NDUFA10: variants seen among roughly 807,000 people sequenced by gnomAD.
NDUFA10 encodes the protein NADH:ubiquinone oxidoreductase subunit A10, also known as NADH dehydrogenase [ubiquinone] 1 alpha subcomplex subunit 10, mitochondrial.
In NDUFA10, 40 loss-of-function variants were observed where a neutral mutation model predicts 47.8. That is an observed-to-expected ratio of 0.84 (90% CI 0.65 to 1.09). The LOEUF (loss-of-function observed/expected upper bound fraction) is 1.09. NDUFA10 is among the 50% of genes least tolerant of loss of function. The pLI is 0.00. For synonymous variants in NDUFA10, 183 were observed against 172.2 expected (o/e 1.06, Z -0.49); for missense variants, 413 against 451.1 (o/e 0.92, Z 0.76).
intron 4 of NDUFA10, among the ~76,000 whole-genome samples, chr2:239,932,627 T>G (rs1415232014): frequency 1.3e-5 from 2 of 152,104 alleles, no homozygotes. Context: ...TCGCCCAGGC[T>G]GGAGTGCAGT....
rs1477756868 is a variant in NDUFA10, at chr2:239,906,172, A to G, written c.295-10858T>C. 6.6e-6 allele frequency among the ~76,000 whole-genome samples: 1 copy of G among 152,124 alleles called. No homozygotes were observed. The highest frequency in any genetic ancestry group is 6.5e-5 in the Admixed American group (1 of 15,272). On this transcript the variant is annotated intron_variant, in intron 4 of 5. Transcript: ENST00000419408. The surrounding 1 kb of genome is among the most constrained non-coding windows in gnomAD (Gnocchi z 4.3). ...TCTGTGCCTAGATATTTCACACTCCAGCACACCTTTTAACAAGAACCCCCG... is the reference window on the plus strand; with the variant it reads ...TCTGTGCCTAGATATTTCACACTCCGGCACACCTTTTAACAAGAACCCCCG...
rs1382983530 is a variant in NDUFA10 at position 239,957,949 on chromosome 2, CGA to C, written c.*3167_*3168del. 1.3e-5 allele frequency: 2 copies of C among 152,212 alleles called. No homozygotes were observed. The highest frequency in any genetic ancestry group is 1.9e-4 in the East Asian group (1 of 5,204). 9.4% of individuals were successfully genotyped at this position (152,212 alleles called of 1,614,324 possible). On this transcript the variant is annotated 3_prime_UTR_variant, in exon 10 of 10. Coordinates refer to ENST00000252711, the MANE Select transcript of NDUFA10 (RefSeq NM_004544.4). ...TATAAGGTCCTTTGCTTTGACAATT[CGA>C]GAGAGTATTAGAAAACACTAGCGGC...
intron 1 of NDUFA10, among the ~76,000 whole-genome samples, chr2:240,022,871 GC>G (rs1156407962): frequency 6.6e-6 from 1 of 152,094 alleles, no homozygotes; most frequent in African/African-American, 2.4e-5. Flanking sequence ...CCATATCCTA[GC>G]CCCCAAGTCT....
intron 7 of NDUFA10, among the ~76,000 whole-genome samples, chr2:240,005,517 T>C (rs1696916768): frequency 6.6e-6 from 1 of 151,998 alleles, no homozygotes; most frequent in African/African-American, 2.4e-5. Context: ...CCACCACACC[T>C]GGCTGATGTT....
intron 4 of NDUFA10, among the ~76,000 whole-genome samples, chr2:239,927,972 G>A (rs182874254): frequency 7.7e-4 from 117 of 152,316 alleles, no homozygotes; most frequent in Non-Finnish European, 1.2e-3. Flanking sequence ...TGCATGCTGC[G>A]TTTGCAATTT....
intron 8 of NDUFA10, among the ~76,000 whole-genome samples, chr2:239,995,739 G>C (rs992133681): frequency 6.6e-6 from 1 of 152,112 alleles, no homozygotes; most frequent in African/African-American, 2.4e-5. Flanking sequence ...AGATAGAAGA[G>C]GAAAAAAGAC....
Position 239,980,857 on chromosome 2 carries a change from G to A in NDUFA10, c.999+9217C>T, listed in dbSNP as rs148512709. The stretch of plus-strand genomic sequence containing the variant: ...GTGTCCCTGTGAGGTGACTCCTGAA[G>A]GGCCACACCTCAGTGCGGGGAGAAG... On this transcript the variant is annotated intron_variant, in intron 9 of 9. Transcript: ENST00000252711. Among the ~76,000 whole-genome samples, 513 of 152,300 alleles carry A rather than the reference G, an allele frequency of 3.4e-3. 9 individuals are homozygous for A. Among genetic ancestry groups the A allele is most frequent in the African/African-American group, 0.012 (481 of 41,568 alleles).
intron 5 of NDUFA10, chr2:240,012,934 G>C (rs117299511): frequency 2.6e-5 from 4 of 152,206 alleles, no homozygotes; most frequent in Non-Finnish European, 4.4e-5. Context: ...CTGTATTAGA[G>C]GAGTGAGTGA....
chr2:239,959,791 AC>A lies in NDUFA10; in HGVS notation c.*1326del, dbSNP rs1694773779. On this transcript the variant is annotated 3_prime_UTR_variant, in exon 10 of 10. Transcript: ENST00000252711. ...AGGAAGGGAAGGGAGGAAAACAAGG[AC>A]AGATGGAAGGAAGAAAGGAAGGGAG... The A allele has an allele frequency of 1.2e-6, 1 of 801,714 alleles. No individual in the cohort carries two copies. Among genetic ancestry groups the A allele is most frequent in the Non-Finnish European group, 1.5e-6 (1 of 662,752 alleles). The allele number at this position is 801,714 out of a possible 1,614,324, so 49.7% of individuals were successfully genotyped here.
rs368802013 is a variant in NDUFA10, at chr2:239,983,602, G to A, written c.999+6472C>T. ...CTTCCAGTGGAGACCCAGCAAGCAC[G>A]ACCTCAGCCAGGAGCCCACGGTCAG... On this transcript the variant is annotated intron_variant, in intron 9 of 9. Transcript: ENST00000252711. The A allele has an allele frequency of 8.1e-5, 129 of 1,592,208 alleles. No homozygotes were observed. The African/African-American group carries it at 1.1e-3, about 14-fold the overall frequency.
At chr2:239,964,561 T>G (rs1440784030) in intron 9 of NDUFA10, among the ~76,000 whole-genome samples, 2 of 152,078 alleles carry the variant, frequency 1.3e-5, no homozygotes, top group African/African-American at 4.8e-5. Context: ...CCGGGTCACA[T>G]CTGTACACCA....
At chr2:239,898,341 G>A (rs553313643) in intron 4 of NDUFA10, among the ~76,000 whole-genome samples, 42 of 152,340 alleles carry the variant, frequency 2.8e-4, no homozygotes, top group Non-Finnish European at 4.1e-4. Context: ...CTCAGCCTGC[G>A]CCCGGGGCTG....
At chr2:239,895,132 C>T (rs1185895498) in intron 5 of NDUFA10, 1 of 325,426 alleles carries the variant, frequency 3.1e-6, no homozygotes, top group Non-Finnish European at 6.7e-6. Context: ...CCCCACCATC[C>T]ATCACTGACC....
At chr2:239,940,360 T>C in intron 4 of NDUFA10, among the ~76,000 whole-genome samples, 1 of 152,216 alleles carries the variant, frequency 6.6e-6, no homozygotes, top group East Asian at 1.9e-4. Flanking sequence ...CCATAGCTTA[T>C]CATTGCTTTG....
At chr2:239,935,747 T>TA (rs1694254161) in intron 4 of NDUFA10, among the ~76,000 whole-genome samples, 1 of 152,240 alleles carries the variant, frequency 6.6e-6, no homozygotes, top group South Asian at 2.1e-4. Context: ...GATGGTTTTA[T>TA]AGGGGAAACT....
At chr2:239,909,996 C>A (rs1296956847) in intron 4 of NDUFA10, among the ~76,000 whole-genome samples, 1 of 148,126 alleles carries the variant, frequency 6.8e-6, no homozygotes, top group Non-Finnish European at 1.5e-5. Context: ...TAGAGAAATG[C>A]AAATCAAAAC....
chr2:239,944,534 C>T (rs912733917), intron 4 of NDUFA10, among the ~76,000 whole-genome samples: 2 of 152,182 alleles, frequency 1.3e-5, no homozygotes, highest in Non-Finnish European at 2.9e-5. Context: ...CGGGTCTGGA[C>T]AAGTGAGGAG....
intron 4 of NDUFA10, among the ~76,000 whole-genome samples, chr2:239,896,596 G>A (rs1308273129): frequency 1.3e-5 from 2 of 152,212 alleles, no homozygotes; most frequent in African/African-American, 4.8e-5. Context: ...CAACTTGTTT[G>A]GCTCCTAATT....
intron 9 of NDUFA10, chr2:239,982,152 C>T (rs1315764760): frequency 1.4e-5 from 22 of 1,612,750 alleles, no homozygotes; most frequent in African/African-American, 4.0e-5. Context: ...CCTCCAAAGA[C>T]CAGTGAGAAG....
Sources: gnomAD v4.1 joint callset for allele counts (sites outside exome capture counted in the v4.1 genomes callset) on GRCh38, gnomAD v4.1.1 for gene constraint, Gnocchi (gnomAD v3.1) non-coding constraint, MANE v1.5 for transcripts, NCBI Gene and HGNC (gene_info 2026-07-23, HGNC 2026-07-21) for gene names.